RASA2: variants seen among roughly 807,000 people sequenced by gnomAD.
RASA2 encodes ras GTPase-activating protein 2.
A neutral mutation model predicts 118.2 loss-of-function variants in RASA2; 155 were observed. That is an observed-to-expected ratio of 1.31 (90% CI 1.15 to 1.50). The LOEUF is 1.50. Among genes scored for constraint, RASA2 ranks in the 40% most tolerant of loss-of-function variants. RASA2 has a pLI of 0.00. For missense variants in RASA2, 1,016 were observed against 1,009.6 expected (o/e 1.01, Z -0.09); for synonymous variants, 353 against 349.1 (o/e 1.01, Z -0.12).
intron 4 of RASA2, among the ~76,000 whole-genome samples, chr3:141,537,812 T>C (rs1431838874): frequency 1.3e-5 from 2 of 152,168 alleles, no homozygotes; most frequent in Non-Finnish European, 2.9e-5. Flanking sequence ...TTCCAATATC[T>C]GCGTCTCTTG....
In RASA2 at chr3:141,588,740, A is replaced by G. The variant is rs538337069; in HGVS notation, c.1933+1988A>G. On this transcript the variant is annotated intron_variant, in intron 19 of 23. Coordinates refer to ENST00000286364, the MANE Select transcript of RASA2 (RefSeq NM_006506.5). ...AAAGATATAAGAAACCAAATGCATT[A>G]TACTTTTGGGTATATTACTCAGATA... 1.5e-4 allele frequency among the ~76,000 whole-genome samples: 23 copies of G among 152,302 alleles called. No homozygotes were observed. In the South Asian group the frequency reaches 4.8e-3, roughly 32 times the overall value.
chr3:141,489,346 T>C (rs959104382), intron 1 of RASA2, among the ~76,000 whole-genome samples: 1 of 152,240 alleles, frequency 6.6e-6, no homozygotes, highest in African/African-American at 2.4e-5. Context: ...GAAGAGATGC[T>C]GTTTTCTGTT....
chr3:141,499,623 C>T (rs184676092), intron 1 of RASA2, among the ~76,000 whole-genome samples: 6 of 151,970 alleles, frequency 3.9e-5, no homozygotes, highest in South Asian at 2.1e-4. Context: ...TTTTTTGAGA[C>T]GGAGTCTCCC....
intron 9 of RASA2, among the ~76,000 whole-genome samples, chr3:141,566,435 C>T (rs1222674153): frequency 2.0e-5 from 3 of 152,174 alleles, no homozygotes; most frequent in African/African-American, 7.2e-5. Flanking sequence ...AGAGTTAACA[C>T]AATTCCAAAG....
chr3:141,557,984 A>G (rs559788556), intron 7 of RASA2, among the ~76,000 whole-genome samples: 1 of 152,320 alleles, frequency 6.6e-6, no homozygotes, highest in Admixed American at 6.5e-5. Flanking sequence ...GAAACTTAAT[A>G]TGAGTGATAG....
At position 141,571,151 on chromosome 3, in the gene RASA2, T is replaced by C. The variant is rs118111310; in HGVS notation, c.1020+83T>C. Reference sequence around the variant, plus strand: ...AATGATAAGGAAAAGATTTCAAGAGTATCAAGTCTTATTAAAACAGTAAAA... The same window carrying C: ...AATGATAAGGAAAAGATTTCAAGAGCATCAAGTCTTATTAAAACAGTAAAA... On this transcript the variant is annotated intron_variant, in intron 10 of 23. Transcript: ENST00000286364. 1.6e-3 allele frequency: 2,178 copies of C among 1,387,552 alleles called. 25 individuals are homozygous for C. The East Asian group carries it at 0.021, about 13-fold the overall frequency. 86.0% of individuals were successfully genotyped at this position (1,387,552 alleles called of 1,614,324 possible). A position where few individuals can be genotyped will look rare whatever the true frequency, so the allele number is the denominator to read the frequency against.
intron 7 of RASA2, among the ~76,000 whole-genome samples, chr3:141,556,359 A>G (rs983751416): frequency 6.6e-6 from 1 of 152,336 alleles, no homozygotes; most frequent in African/African-American, 2.4e-5. Context: ...CCTGTGAAAG[A>G]ATAATCGGAA....
At chr3:141,598,041 C>T (rs2083402943) in intron 19 of RASA2, among the ~76,000 whole-genome samples, 1 of 152,124 alleles carries the variant, frequency 6.6e-6, no homozygotes, top group East Asian at 1.9e-4. Flanking sequence ...AACCCTGTAT[C>T]TCTGCTTGTG....
At chr3:141,529,326 A>G (rs1376558877) in intron 3 of RASA2, among the ~76,000 whole-genome samples, 1 of 152,116 alleles carries the variant, frequency 6.6e-6, no homozygotes, top group Non-Finnish European at 1.5e-5. Context: ...AAAACTTGTC[A>G]TTTGTTCTTA....
At chr3:141,594,245 A>C (rs77862871) in intron 19 of RASA2, among the ~76,000 whole-genome samples, 1 of 152,170 alleles carries the variant, frequency 6.6e-6, no homozygotes, top group Non-Finnish European at 1.5e-5. Flanking sequence ...GAACACAGAA[A>C]AGACTTGGGG....
In RASA2 at chr3:141,589,991, A is replaced by G. The variant is rs940382904; in HGVS notation, c.1933+3239A>G. The stretch of plus-strand genomic sequence containing the variant: ...GCATTAAGAAGTTTAAAATTTTGGA[A>G]TGACATTGGAGGAATGAGATATGAA... On this transcript the variant is annotated intron_variant, in intron 19 of 23. Transcript: ENST00000286364. The G allele has an allele frequency of 4.2e-5, 16 of 384,812 alleles. 1 individual carries two copies. Among genetic ancestry groups the G allele is most frequent in the African/African-American group, 2.3e-4 (11 of 47,246 alleles). The allele number at this position is 384,812 out of a possible 1,614,324, so 23.8% of individuals were successfully genotyped here. A position where few individuals can be genotyped will look rare whatever the true frequency, so the allele number is the denominator to read the frequency against.
intron 18 of RASA2, 51 bp downstream of exon 18, chr3:141,586,149 G>T (rs536702889): frequency 6.7e-7 from 1 of 1,488,232 alleles, no homozygotes; most frequent in Non-Finnish European, 9.3e-7. Flanking sequence ...TAGATATTAA[G>T]TAAGTACAAA....
chr3:141,593,991 A>G (rs1175062758), intron 19 of RASA2, among the ~76,000 whole-genome samples: 2 of 152,216 alleles, frequency 1.3e-5, no homozygotes, highest in Non-Finnish European at 2.9e-5. Flanking sequence ...TAGATGATCT[A>G]CATGTTGGAA....
intron 3 of RASA2, among the ~76,000 whole-genome samples, chr3:141,526,597 A>G (rs1325264475): frequency 6.6e-6 from 1 of 151,924 alleles, no homozygotes; most frequent in Non-Finnish European, 1.5e-5. Flanking sequence ...ATTTTTCTTA[A>G]TTTTCCTGTG....
rs2083693445 is a variant in RASA2 at position 141,614,210 on chromosome 3, A to G, written c.*1897A>G. On this transcript the variant is annotated 3_prime_UTR_variant, in exon 24 of 24. Coordinates refer to ENST00000286364, the MANE Select transcript of RASA2 (RefSeq NM_006506.5). ...CCCAATTGTGATTGTTTTAAAGATC[A>G]TGGTATGATCACAGGGACCAAGGCT... is the stretch of plus-strand genomic sequence containing the variant. 6.6e-6 allele frequency: 1 copy of G among 152,066 alleles called. No homozygotes were observed. The highest frequency in any genetic ancestry group is 2.4e-5 in the African/African-American group (1 of 41,400). The allele number at this position is 152,066 out of a possible 1,614,324, so 9.4% of individuals were successfully genotyped here.
chr3:141,560,024 A>G (rs988552866), intron 9 of RASA2, 29 bp downstream of exon 9: 2 of 1,541,800 alleles, frequency 1.3e-6, no homozygotes. Context: ...AGTGAACTCC[A>G]TAGTTTAATT....
chr3:141,600,625 C>T (rs1412150144), intron 19 of RASA2: 1 of 172,752 alleles, frequency 5.8e-6, no homozygotes, highest in Non-Finnish European at 1.2e-5. Context: ...AAGCGCCGAC[C>T]CGGAGCAGGA....
intron 5 of RASA2, among the ~76,000 whole-genome samples, chr3:141,544,786 A>G (rs566720414): frequency 6.6e-6 from 1 of 152,220 alleles, no homozygotes; most frequent in Non-Finnish European, 1.5e-5. Flanking sequence ...CAGTACATAC[A>G]TGCCATGGAA....
intron 1 of RASA2, among the ~76,000 whole-genome samples, chr3:141,500,833 C>G (rs2081767906): frequency 6.6e-6 from 1 of 152,074 alleles, no homozygotes; most frequent in African/African-American, 2.4e-5. Flanking sequence ...TTTTAAATTT[C>G]AAGTGTTGTC....
Sources: allele counts gnomAD v4.1 joint callset (sites outside exome capture counted in the v4.1 genomes callset), GRCh38; gene constraint gnomAD v4.1.1; transcripts MANE v1.5; gene names NCBI Gene and HGNC (gene_info 2026-07-23, HGNC 2026-07-21).